Variants in TGFBR2 observed in about 807,000 individuals in gnomAD.
The protein encoded by TGFBR2 is TGF-beta receptor type-2.
TGFBR2 carries 18 observed loss-of-function variants against 49.0 expected under a neutral mutation model. That is an observed-to-expected ratio of 0.37 (90% CI 0.25 to 0.54). The LOEUF (loss-of-function observed/expected upper bound fraction) is 0.54. TGFBR2 is among the 20% of genes least tolerant of loss of function. TGFBR2 has a pLI of 0.85. For synonymous variants in TGFBR2, 282 were observed against 275.9 expected, an observed-to-expected ratio of 1.02 and a Z score of -0.22; for missense variants, 525 against 722.6, an observed-to-expected ratio of 0.73 and a Z score of 3.13.
intron 1 of TGFBR2, among the ~76,000 whole-genome samples, chr3:30,609,205 C>A (rs1230069584): frequency 6.6e-6 from 1 of 152,064 alleles, no homozygotes; most frequent in African/African-American, 2.4e-5. Flanking sequence ...TCATTTGATT[C>A]AAATTAAATT....
chr3:30,653,250 C>CT (rs3076740), intron 3 of TGFBR2, among the ~76,000 whole-genome samples: 4,874 of 113,156 alleles, frequency 0.043, 600 homozygotes, highest in African/African-American at 0.16. Context: ...GGAATGAAAA[C>CT]TTTTTTTTTT....
chr3:30,691,629 A>T lies in TGFBR2; in HGVS notation c.*30A>T. On this transcript the variant is annotated 3_prime_UTR_variant, in exon 7 of 7. Transcript: ENST00000295754. ...TCTGGGGCAGGCTGGGCCATGTCCA[A>T]AGAGGCTGCCCCTCTCACCAAAGAA... 6.2e-7 allele frequency: 1 copy of T among 1,613,642 alleles called. No homozygotes were observed. Among genetic ancestry groups the T allele is most frequent in the Non-Finnish European group, 8.5e-7 (1 of 1,179,650 alleles).
rs1371905176 is a variant in TGFBR2, at chr3:30,671,733, A to T, written c.550A>T (p.Ile184Phe). Residue 184 changes from isoleucine to phenylalanine, a missense_variant, in exon 4 of 7, where the codon ATC becomes TTC. Physicochemically the swap from Ile to Phe is conservative, Grantham distance 21. Coordinates refer to ENST00000295754, the MANE Select transcript of TGFBR2 (RefSeq NM_003242.6). ...PPLGVAISVI[I>F]IFYCYRVNRQ... Reference sequence around the variant, plus strand: ...ACTGGGAGTTGCCATATCTGTCATCATCATCTTCTACTGCTACCGCGTTAA... The same window carrying T: ...ACTGGGAGTTGCCATATCTGTCATCTTCATCTTCTACTGCTACCGCGTTAA... 6.2e-7 allele frequency: 1 copy of T among 1,614,070 alleles called. No individual in the cohort carries two copies. Among genetic ancestry groups the T allele is most frequent in the South Asian group, 1.1e-5 (1 of 91,092 alleles).
rs1699722550 is a variant in TGFBR2 at position 30,692,175 on chromosome 3, T to C, written c.*576T>C. 4.4e-6 allele frequency: 1 copy of C among 226,558 alleles called. No individual in the cohort carries two copies. The highest frequency in any genetic ancestry group is 2.2e-5 in the African/African-American group (1 of 44,922). The allele number at this position is 226,558 out of a possible 1,614,324, so 14.0% of individuals were successfully genotyped here. On this transcript the variant is annotated 3_prime_UTR_variant, in exon 7 of 7. Transcript: ENST00000295754. ...CCAGCTATGACCACATTGCACTTGC[T>C]TTTGCAAAATAATCATTCCCTGCCT...
chr3:30,608,933 A>C (rs1364956371), intron 1 of TGFBR2, among the ~76,000 whole-genome samples: 1 of 152,208 alleles, frequency 6.6e-6, no homozygotes, highest in Non-Finnish European at 1.5e-5. Context: ...TCCAGATTAT[A>C]AAAGAAGGAA....
intron 2 of TGFBR2, among the ~76,000 whole-genome samples, chr3:30,648,397 A>G (rs2125407865): frequency 6.8e-6 from 1 of 146,886 alleles, no homozygotes; most frequent in South Asian, 2.2e-4. Context: ...CCTTCGTTTT[A>G]TTACCCAAAC....
chr3:30,613,551 AAAGAG>A (rs1698071992), intron 1 of TGFBR2, among the ~76,000 whole-genome samples: 1 of 147,008 alleles, frequency 6.8e-6, no homozygotes, highest in Non-Finnish European at 1.5e-5. Context: ...AGAGAGAGAG[AAAGAG>A]AGAGAGAGAC....
At chr3:30,611,293 T>G in intron 1 of TGFBR2, among the ~76,000 whole-genome samples, 1 of 152,222 alleles carries the variant, frequency 6.6e-6, no homozygotes, top group East Asian at 1.9e-4. Context: ...GCAGTCACTG[T>G]TTGTTAGGTG....
In TGFBR2 at chr3:30,672,283, C is replaced by T. The variant is rs1226482581; in HGVS notation, c.1100C>T (p.Pro367Leu). 9 of 1,605,414 alleles carry T rather than the reference C, an allele frequency of 5.6e-6. No homozygotes were observed. The highest frequency in any genetic ancestry group is 6.8e-6 in the Non-Finnish European group (8 of 1,174,968). The change falls in exon 4 of 7, where the codon CCA becomes CTA. Residue 367 changes from proline (P) to leucine (L), a missense_variant. Pro to Leu is a moderately conservative substitution (Grantham distance 98). Coordinates refer to ENST00000295754, the MANE Select transcript of TGFBR2 (RefSeq NM_003242.6). This position sits in a 1 kb window ranked among gnomAD's most constrained non-coding sequence, Gnocchi z 4.5. Reference sequence around the variant, plus strand: ...GCTCACCTCCACAGTGATCACACTCCATGTGGGAGGCCCAAGATGCCCATC... The same window carrying T: ...GCTCACCTCCACAGTGATCACACTCTATGTGGGAGGCCCAAGATGCCCATC... ...GIAHLHSDHT[P>L]CGRPKMPIVH...
At chr3:30,650,176 C>A in intron 2 of TGFBR2, 94 bp from the exon 3 acceptor site, 2 of 1,281,876 alleles carry the variant, frequency 1.6e-6, no homozygotes. Flanking sequence ...GAAAAGTATT[C>A]CAGATTGCCT....
At chr3:30,674,071 A>C (rs1339576394) in intron 4 of TGFBR2, 34 bp from the exon 5 acceptor site, 4 of 1,614,138 alleles carry the variant, frequency 2.5e-6, no homozygotes, top group Non-Finnish European at 3.4e-6. Context: ...AGCTGGAATT[A>C]AATGATGGGC....
chr3:30,653,878 A>G (rs1274975061), intron 3 of TGFBR2, among the ~76,000 whole-genome samples: 1 of 152,106 alleles, frequency 6.6e-6, no homozygotes. Context: ...TCTTATAGCC[A>G]CCCCATGCGA....
At chr3:30,617,288 A>T (rs1455225823) in intron 1 of TGFBR2, among the ~76,000 whole-genome samples, 1 of 152,186 alleles carries the variant, frequency 6.6e-6, no homozygotes, top group Non-Finnish European at 1.5e-5. Flanking sequence ...GTTAGCGTAG[A>T]CTAGGAATCT....
At chr3:30,612,875 A>G (rs117560265) in intron 1 of TGFBR2, among the ~76,000 whole-genome samples, 3 of 152,150 alleles carry the variant, frequency 2.0e-5, no homozygotes, top group African/African-American at 7.2e-5. Flanking sequence ...TTCCTCACCC[A>G]TTACATCAGG....
chr3:30,667,795 T>C (rs1225277643), intron 3 of TGFBR2, among the ~76,000 whole-genome samples: 3 of 152,236 alleles, frequency 2.0e-5, no homozygotes, highest in African/African-American at 4.8e-5. Context: ...TAAGTAATTA[T>C]GCAGTTAATA....
chr3:30,634,851 G>A (rs6775211), intron 1 of TGFBR2, among the ~76,000 whole-genome samples: 1 of 151,994 alleles, frequency 6.6e-6, no homozygotes, highest in Non-Finnish European at 1.5e-5. Context: ...ATTATTTTGA[G>A]AGTTCATGAA....
At chr3:30,619,494 G>C (rs1402965329) in intron 1 of TGFBR2, among the ~76,000 whole-genome samples, 6 of 152,108 alleles carry the variant, frequency 3.9e-5, no homozygotes, top group African/African-American at 1.4e-4. Context: ...GCTCCTAAGA[G>C]AGTGCCTTGT....
At chr3:30,615,097 G>T (rs1291225671) in intron 1 of TGFBR2, among the ~76,000 whole-genome samples, 1 of 152,070 alleles carries the variant, frequency 6.6e-6, no homozygotes, top group East Asian at 1.9e-4. Flanking sequence ...ATACAGTCTT[G>T]GCTGAATCAT....
intron 1 of TGFBR2, among the ~76,000 whole-genome samples, chr3:30,616,541 G>T (rs749753524): frequency 1.8e-4 from 28 of 152,150 alleles, no homozygotes; most frequent in Non-Finnish European, 3.2e-4. Flanking sequence ...TCTTCCCACT[G>T]GGGCTCATTT....
Sources: gnomAD v4.1 joint callset for allele counts (sites outside exome capture counted in the v4.1 genomes callset) on GRCh38, gnomAD v4.1.1 for gene constraint, Gnocchi (gnomAD v3.1) non-coding constraint, MANE v1.5 for transcripts, NCBI Gene and HGNC (gene_info 2026-07-23, HGNC 2026-07-21) for gene names.